The following PCDHGA3 variants were observed in gnomAD, a reference collection of about 807,000 sequenced individuals.
PCDHGA3 encodes protocadherin gamma subfamily A, 3.
Under a neutral mutation model 58.5 loss-of-function variants are expected in PCDHGA3, and 40 were observed. That is an observed-to-expected ratio of 0.68 (90% CI 0.53 to 0.89). The LOEUF (loss-of-function observed/expected upper bound fraction) is 0.89, where lower values mean the gene tolerates loss of function less well. Among genes scored for constraint, PCDHGA3 ranks in the 40% least tolerant of loss-of-function variants. The probability of loss-of-function intolerance (pLI) is 0.00; values close to 1 mark genes in which losing one functional copy is unlikely to be tolerated. For missense variants in PCDHGA3, 1,223 were observed against 1,195.9 expected, an observed-to-expected ratio of 1.02 and a Z score of -0.33; for synonymous variants, 530 against 525.7, an observed-to-expected ratio of 1.01 and a Z score of -0.11.
At position 141,362,191 on chromosome 5, in the gene PCDHGA3, G is replaced by A. The variant is rs780393919; in HGVS notation, c.2424+15734G>A. On this transcript the variant is annotated intron_variant, in intron 1 of 3. Coordinates refer to ENST00000253812, the MANE Select transcript of PCDHGA3 (RefSeq NM_018916.4). ...CCGCCGGGAGCCCTCTGACCCCCAG[G>A]CAAAACTGCAGTTTTACCTGGTTGT... The A allele has an allele frequency of 3.3e-5, 53 of 1,613,882 alleles. No individual in the cohort carries two copies. The highest frequency in any genetic ancestry group is 1.6e-4 in the Middle Eastern group (1 of 6,084).
rs771162471 is a variant in PCDHGA3 at position 141,376,386 on chromosome 5, T to C, written c.2424+29929T>C. 3 of 1,614,116 alleles carry C rather than the reference T, an allele frequency of 1.9e-6. No homozygotes were observed. The African/African-American group carries it at 4.0e-5, about 22-fold the overall frequency. Reference sequence around the variant, plus strand: ...ACTGCAGACTCGCGTAAGAGTCATCTGATTTTCCCCCAGCCCAACTATGCC... The same window carrying C: ...ACTGCAGACTCGCGTAAGAGTCATCCGATTTTCCCCCAGCCCAACTATGCC... On this transcript the variant is annotated intron_variant, in intron 1 of 3. Coordinates refer to ENST00000253812, the MANE Select transcript of PCDHGA3 (RefSeq NM_018916.4).
intron 3 of PCDHGA3, among the ~76,000 whole-genome samples, chr5:141,506,904 C>T (rs55892286): frequency 0.2 from 30,589 of 152,050 alleles, 3,131 homozygotes; most frequent in Middle Eastern, 0.24. Flanking sequence ...ACTGTCATCA[C>T]ACCTGGGCAC....
intron 1 of PCDHGA3, among the ~76,000 whole-genome samples, chr5:141,453,574 G>T (rs1285296493): frequency 6.6e-6 from 1 of 152,084 alleles, no homozygotes; most frequent in Non-Finnish European, 1.5e-5. Context: ...TCATTAGTTT[G>T]TGGTTTATCC....
chr5:141,370,171 C>T (rs1008611247), intron 1 of PCDHGA3: 18 of 460,518 alleles, frequency 3.9e-5, no homozygotes, highest in Middle Eastern at 5.5e-4. Flanking sequence ...GCAGAGGCGC[C>T]GGGTGCCGCT....
intron 1 of PCDHGA3, chr5:141,393,114 C>T (rs750579370): frequency 1.9e-6 from 3 of 1,613,418 alleles, no homozygotes; most frequent in Non-Finnish European, 8.5e-7. Context: ...TCAGAGCCCG[C>T]GGTGTCTGAT....
rs143939286 is a variant in PCDHGA3 at position 141,427,522 on chromosome 5, T to C, written c.2425-67285T>C. 6.1e-3 allele frequency: 3,716 copies of C among 607,796 alleles called. 27 individuals are homozygous for C. The highest frequency in any genetic ancestry group is 8.8e-3 in the Non-Finnish European group (2,868 of 324,656). The allele number at this position is 607,796 out of a possible 1,614,324, so 37.7% of individuals were successfully genotyped here. A position where few individuals can be genotyped will look rare whatever the true frequency, so the allele number is the denominator to read the frequency against. On this transcript the variant is annotated intron_variant, in intron 1 of 3. Transcript: ENST00000253812. ...GATGGGACCCTGGATTGGGAGCGGATCCCGGAGTACAACGTCACCATCACT... is the reference window on the plus strand; with the variant it reads ...GATGGGACCCTGGATTGGGAGCGGACCCCGGAGTACAACGTCACCATCACT...
chr5:141,354,069 C>A (rs1759464021), intron 1 of PCDHGA3, among the ~76,000 whole-genome samples: 1 of 152,146 alleles, frequency 6.6e-6, no homozygotes, highest in South Asian at 2.1e-4. Context: ...TGTTCGGCTA[C>A]CAAAACATTT....
At chr5:141,422,714 C>T (rs2096666670) in intron 1 of PCDHGA3, 1 of 1,603,720 alleles carries the variant, frequency 6.2e-7, no homozygotes, top group South Asian at 1.1e-5. Flanking sequence ...ACGGATGACA[C>T]TGTCCAGGGG....
intron 1 of PCDHGA3, chr5:141,351,227 C>A: frequency 6.2e-7 from 1 of 1,613,986 alleles, no homozygotes; most frequent in Middle Eastern, 1.6e-4. Context: ...TGGAGGAGTA[C>A]ACACAGCTCA....
chr5:141,375,960 TGC>T (rs1772099160), intron 1 of PCDHGA3: 2 of 1,613,220 alleles, frequency 1.2e-6, no homozygotes, highest in South Asian at 2.2e-5. Flanking sequence ...ACGGGCGAGG[TGC>T]GCACGGCGCG....
At chr5:141,383,865 A>C in intron 1 of PCDHGA3, 3 of 1,614,012 alleles carry the variant, frequency 1.9e-6, no homozygotes, top group Non-Finnish European at 2.5e-6. Context: ...TTCAGGCTCA[A>C]GATGGTCCTG....
At chr5:141,361,284 C>T in intron 1 of PCDHGA3, 1 of 1,614,018 alleles carries the variant, frequency 6.2e-7, no homozygotes, top group Non-Finnish European at 8.5e-7. Flanking sequence ...GAGAAGTTTA[C>T]TGCCAAGTGT....
intron 1 of PCDHGA3, chr5:141,410,184 A>G: frequency 6.2e-7 from 1 of 1,613,918 alleles, no homozygotes; most frequent in Non-Finnish European, 8.5e-7. Flanking sequence ...GCCACGCTTC[A>G]TCTGGTCTTC....
At chr5:141,415,824 CT>C (rs1412807947) in intron 1 of PCDHGA3, 8 of 1,306,364 alleles carry the variant, frequency 6.1e-6, no homozygotes, top group Non-Finnish European at 7.8e-6. Flanking sequence ...TATCATAAGG[CT>C]TTGTTATGAT....
chr5:141,371,305 T>C lies in PCDHGA3; in HGVS notation c.2424+24848T>C, dbSNP rs772021444. 1.8e-5 allele frequency: 29 copies of C among 1,613,822 alleles called. No individual in the cohort carries two copies. Among genetic ancestry groups the C allele is most frequent in the African/African-American group, 2.7e-5 (2 of 74,920 alleles). ...AGTAAAACGGGGGAACTCACCACTATTGGAGAACTGGACTTTGAAGAGAGA... is the reference window on the plus strand; with the variant it reads ...AGTAAAACGGGGGAACTCACCACTACTGGAGAACTGGACTTTGAAGAGAGA... On this transcript the variant is annotated intron_variant, in intron 1 of 3. Transcript: ENST00000253812.
chr5:141,397,965 C>G (rs2093591451), intron 1 of PCDHGA3: 3 of 1,077,486 alleles, frequency 2.8e-6, no homozygotes, highest in South Asian at 1.7e-5. Context: ...AGCTCAGACT[C>G]CCCAGCGCCG....
chr5:141,430,433 T>C (rs1371764261), intron 1 of PCDHGA3, among the ~76,000 whole-genome samples: 2 of 151,080 alleles, frequency 1.3e-5, no homozygotes, highest in Admixed American at 6.6e-5. Context: ...ATACGGTAGA[T>C]TTCCATCCCC....
chr5:141,350,754 A>C (rs1292480498), intron 1 of PCDHGA3: 4 of 1,613,822 alleles, frequency 2.5e-6, no homozygotes, highest in East Asian at 4.5e-5. Flanking sequence ...AATTCACTGA[A>C]GTTATACACC....
At chr5:141,374,035 A>G in intron 1 of PCDHGA3, 1 of 1,444,760 alleles carries the variant, frequency 6.9e-7, no homozygotes, top group Non-Finnish European at 9.1e-7. Context: ...AGTGATGCAG[A>G]TCTGTTCTTC....
Sources: gnomAD v4.1 joint callset for allele counts (sites outside exome capture counted in the v4.1 genomes callset) on GRCh38, gnomAD v4.1.1 for gene constraint, MANE v1.5 for transcripts, NCBI Gene and HGNC (gene_info 2026-07-23, HGNC 2026-07-21) for gene names.